The following NICOL1 variants were observed in gnomAD, a reference collection of about 807,000 sequenced individuals.
NICOL1 encodes the protein NELL2 interacting cell ontogeny regulator 1.
the NICOL1 span, chr4:2,042,016 C>T: frequency 7.5e-6 from 11 of 1,471,352 alleles, no homozygotes; most frequent in South Asian, 1.3e-4. Context: ...GCGCCGGACG[C>T]GGAACGTCTG....
chr4:2,042,720 C>A, the NICOL1 span: 2 of 1,497,010 alleles, frequency 1.3e-6, no homozygotes, highest in Non-Finnish European at 1.8e-6. Flanking sequence ...TCCACCCTGA[C>A]CCGCGCCCCC....
the NICOL1 span, among the ~76,000 whole-genome samples, chr4:2,038,643 A>C: frequency 6.6e-6 from 1 of 152,306 alleles, no homozygotes; most frequent in African/African-American, 2.4e-5. Flanking sequence ...TACAGTGTTC[A>C]ATATATGTAC....
At chr4:2,043,680 G>A in the NICOL1 span, among the ~76,000 whole-genome samples, 1 of 152,222 alleles carries the variant, frequency 6.6e-6, no homozygotes, top group South Asian at 2.1e-4. Context: ...GGCCCCACCA[G>A]TGGGAGCCAC....
the NICOL1 span, among the ~76,000 whole-genome samples, chr4:2,041,238 C>T: frequency 6.6e-6 from 1 of 150,978 alleles, no homozygotes; most frequent in African/African-American, 2.4e-5. Flanking sequence ...GCGTGGGGGC[C>T]TGGCTCCGAC....
At chr4:2,037,184 G>T in the NICOL1 span, among the ~76,000 whole-genome samples, 8 of 152,282 alleles carry the variant, frequency 5.3e-5, no homozygotes, top group African/African-American at 1.9e-4. Flanking sequence ...TGCCATGATT[G>T]TAAGTTTCCT....
At chr4:2,039,850 T>G in the NICOL1 span, among the ~76,000 whole-genome samples, 1 of 151,810 alleles carries the variant, frequency 6.6e-6, no homozygotes, top group Non-Finnish European at 1.5e-5. Context: ...AAAAAAAGAG[T>G]TAAACTTCTA....
At chr4:2,038,157 G>C in the NICOL1 span, among the ~76,000 whole-genome samples, 1 of 136,442 alleles carries the variant, frequency 7.3e-6, no homozygotes, top group Non-Finnish European at 1.6e-5. Context: ...TTGATTTGTA[G>C]TTAAAAAAAT....
chr4:2,043,454 T>C, the NICOL1 span, among the ~76,000 whole-genome samples: 1 of 152,106 alleles, frequency 6.6e-6, no homozygotes, highest in Admixed American at 6.5e-5. Flanking sequence ...CTAGTGTCCT[T>C]CTTGGGAACA....
the NICOL1 span, chr4:2,041,923 G>A: frequency 5.0e-6 from 7 of 1,410,436 alleles, no homozygotes; most frequent in Non-Finnish European, 6.5e-6. Context: ...CTAAACCCGC[G>A]GCCAGCGCAG....
chr4:2,038,997 G>A, the NICOL1 span, among the ~76,000 whole-genome samples: 12 of 152,184 alleles, frequency 7.9e-5, no homozygotes, highest in African/African-American at 2.9e-4. Flanking sequence ...ATCAAAGAAA[G>A]CATTAAATAA....
chr4:2,042,700 C>T, the NICOL1 span: 12 of 1,316,788 alleles, frequency 9.1e-6, no homozygotes, highest in Admixed American at 1.2e-4. Context: ...GTGACCCCCC[C>T]TGCGCCCCCT....
chr4:2,041,732 A>C, the NICOL1 span: 1 of 435,794 alleles, frequency 2.3e-6, no homozygotes, highest in East Asian at 3.8e-5. Context: ...AGCTCCAGCC[A>C]CAGATTTCCC....
the NICOL1 span, among the ~76,000 whole-genome samples, chr4:2,036,983 T>TGA: frequency 5.3e-5 from 8 of 152,122 alleles, no homozygotes; most frequent in African/African-American, 1.9e-4. Flanking sequence ...TGTGGAGCTC[T>TGA]GATCCCCAGT....
At chr4:2,040,888 G>A in the NICOL1 span, among the ~76,000 whole-genome samples, 1 of 144,978 alleles carries the variant, frequency 6.9e-6, no homozygotes, top group Non-Finnish European at 1.5e-5. Context: ...CGTCCGGCCG[G>A]GGCAGGGGCG....
the NICOL1 span, among the ~76,000 whole-genome samples, chr4:2,041,051 T>G: frequency 6.7e-6 from 1 of 149,306 alleles, no homozygotes; most frequent in Non-Finnish European, 1.5e-5. Flanking sequence ...CGGGGCGGCC[T>G]CCAGGTAGGG....
chr4:2,038,937 A>G, the NICOL1 span, among the ~76,000 whole-genome samples: 1 of 152,222 alleles, frequency 6.6e-6, no homozygotes, highest in East Asian at 1.9e-4. Context: ...TCTGTCAACG[A>G]TCTTTTCATC....
chr4:2,041,973 G>A, the NICOL1 span: 2 of 1,452,356 alleles, frequency 1.4e-6, no homozygotes, highest in Admixed American at 6.3e-5. Flanking sequence ...TGGGGAACCC[G>A]GGCGGGGTCG....
the NICOL1 span, among the ~76,000 whole-genome samples, chr4:2,038,544 G>A: frequency 2.5e-4 from 38 of 151,942 alleles, no homozygotes; most frequent in Admixed American, 1.8e-3. Flanking sequence ...TGATCCTCCC[G>A]TCTCTTATAA....
the NICOL1 span, among the ~76,000 whole-genome samples, chr4:2,043,526 C>T: frequency 1.3e-5 from 2 of 152,200 alleles, no homozygotes; most frequent in Non-Finnish European, 2.9e-5. Flanking sequence ...TGGAACTGAG[C>T]TCTTGGGAGG....
Sources: gnomAD v4.1 joint callset for allele counts (sites outside exome capture counted in the v4.1 genomes callset) on GRCh38, gnomAD v4.1.1 for gene constraint, MANE v1.5 for transcripts, NCBI Gene and HGNC (gene_info 2026-07-23, HGNC 2026-07-21) for gene names.